The following TENM2 variants were observed in gnomAD, a reference collection of about 807,000 sequenced individuals.
TENM2 encodes the protein teneurin transmembrane protein 2, also known as teneurin-2.
In TENM2, 52 loss-of-function variants were observed where a neutral mutation model predicts 245.2. The ratio of observed to expected loss-of-function variants is 0.21; its 90% confidence interval spans 0.17 to 0.27. The LOEUF (loss-of-function observed/expected upper bound fraction) is 0.27, where lower values mean the gene tolerates loss of function less well. TENM2 is among the 10% of genes least tolerant of loss of function. The pLI is 1.00. For missense variants in TENM2, 3,046 were observed against 3,666.8 expected, an observed-to-expected ratio of 0.83 and a Z score of 4.37; for synonymous variants, 1,363 against 1,438.9, an observed-to-expected ratio of 0.95 and a Z score of 1.19.
chr5:167,420,200 C>T lies in TENM2; in HGVS notation c.502+44727C>T, dbSNP rs148745334. Among the ~76,000 whole-genome samples the T allele has an allele frequency of 1.1e-3, 166 of 152,266 alleles. 1 individual carries two copies. The highest frequency in any genetic ancestry group is 3.5e-3 in the African/African-American group (146 of 41,568). On this transcript the variant is annotated intron_variant, in intron 2 of 28. Coordinates refer to ENST00000518659, the Ensembl canonical transcript of TENM2. Reference sequence around the variant, plus strand: ...GTGAAAAGTGGAGAGCTTATTGTTACCCTGTGTGAAGGAAATTGTAGGCTA... The same window carrying T: ...GTGAAAAGTGGAGAGCTTATTGTTATCCTGTGTGAAGGAAATTGTAGGCTA...
chr5:167,493,729 A>ATACACACGT (rs1248467431), intron 2 of TENM2, among the ~76,000 whole-genome samples: 1 of 152,114 alleles, frequency 6.6e-6, no homozygotes, highest in Non-Finnish European at 1.5e-5. Context: ...GAGATAATAT[A>ATACACACGT]TACACACGTT....
intron 2 of TENM2, among the ~76,000 whole-genome samples, chr5:167,865,459 A>T (rs1365470823): frequency 6.6e-6 from 1 of 151,948 alleles, no homozygotes; most frequent in Non-Finnish European, 1.5e-5. Flanking sequence ...TTTTTTATAG[A>T]GATGGGATTT....
chr5:167,038,518 G>C, the TENM2 span, among the ~76,000 whole-genome samples: 7 of 152,134 alleles, frequency 4.6e-5, no homozygotes, highest in African/African-American at 1.7e-4. Flanking sequence ...TAATATCTTG[G>C]AGTGAACATT....
chr5:167,736,238 C>G (rs547566461), intron 2 of TENM2, among the ~76,000 whole-genome samples: 1 of 152,062 alleles, frequency 6.6e-6, no homozygotes, highest in African/African-American at 2.4e-5. Flanking sequence ...CACTCACTAT[C>G]GCAAGAACAG....
At chr5:167,832,700 A>T (rs1054967924) in intron 2 of TENM2, among the ~76,000 whole-genome samples, 1 of 151,842 alleles carries the variant, frequency 6.6e-6, no homozygotes, top group African/African-American at 2.4e-5. Flanking sequence ...AAGGAGAGAG[A>T]GGGAAAGGAG....
intron 2 of TENM2, among the ~76,000 whole-genome samples, chr5:167,545,853 C>G (rs757151722): frequency 6.6e-6 from 1 of 152,156 alleles, no homozygotes; most frequent in Non-Finnish European, 1.5e-5. Flanking sequence ...TTTGACCATA[C>G]GTACAGACTT....
At chr5:167,227,777 T>C in the TENM2 span, among the ~76,000 whole-genome samples, 1 of 152,222 alleles carries the variant, frequency 6.6e-6, no homozygotes, top group Non-Finnish European at 1.5e-5. Context: ...CTGAGCCTGC[T>C]GTATCTGGAT....
At chr5:167,710,254 C>T (rs1234657149) in intron 2 of TENM2, among the ~76,000 whole-genome samples, 1 of 152,122 alleles carries the variant, frequency 6.6e-6, no homozygotes, top group Admixed American at 6.5e-5. Flanking sequence ...CATGCATACA[C>T]ACACACATAT....
At chr5:167,021,969 T>C in the TENM2 span, among the ~76,000 whole-genome samples, 2 of 152,320 alleles carry the variant, frequency 1.3e-5, no homozygotes, top group East Asian at 1.9e-4. Flanking sequence ...CCATTGTATA[T>C]ATTAATGTAT....
Position 167,774,214 on chromosome 5 carries a change from G to GAGGAAGGAAGGAAGGAAGGAAGGA in TENM2, c.503-101754_503-101731dup, listed in dbSNP as rs200752272. The stretch of plus-strand genomic sequence containing the variant: ...GGAGGGAAGGAGGAAGGGAGGGAGG[G>GAGGAAGGAAGGAAGGAAGGAAGGA]AGGAAGGAAGGAAGGAAGGAAGGAA... On this transcript the variant is annotated intron_variant, in intron 2 of 28. Coordinates refer to ENST00000518659, the Ensembl canonical transcript of TENM2. Among the ~76,000 whole-genome samples the GAGGAAGGAAGGAAGGAAGGAAGGA allele has an allele frequency of 6.8e-4, 76 of 111,420 alleles. 1 individual carries two copies. Among genetic ancestry groups the GAGGAAGGAAGGAAGGAAGGAAGGA allele is most frequent in the African/African-American group, 3.0e-3 (70 of 23,536 alleles). 73.1% of individuals were successfully genotyped at this position (111,420 alleles called of 152,430 possible).
At chr5:167,614,789 T>G (rs553244208) in intron 2 of TENM2, among the ~76,000 whole-genome samples, 40 of 152,242 alleles carry the variant, frequency 2.6e-4, no homozygotes, top group African/African-American at 9.6e-4. Context: ...GCAAGTCACT[T>G]CCAGCTTCAT....
chr5:167,402,457 CATA>C (rs925716962), intron 2 of TENM2, among the ~76,000 whole-genome samples: 9 of 152,022 alleles, frequency 5.9e-5, no homozygotes, highest in African/African-American at 2.2e-4. Flanking sequence ...ATACACAGAA[CATA>C]ATGATGTGAA....
At chr5:168,213,284 A>T (rs1355382117) in intron 20 of TENM2, among the ~76,000 whole-genome samples, 2 of 152,238 alleles carry the variant, frequency 1.3e-5, no homozygotes, top group South Asian at 4.1e-4. Flanking sequence ...ATGTGTCTTA[A>T]TAGCAACCTG....
intron 2 of TENM2, among the ~76,000 whole-genome samples, chr5:167,606,854 A>G (rs943231330): frequency 2.6e-5 from 4 of 152,188 alleles, no homozygotes; most frequent in African/African-American, 9.7e-5. Context: ...CTCATCTCTA[A>G]AGTATTGTAA....
the TENM2 span, among the ~76,000 whole-genome samples, chr5:167,195,197 T>C: frequency 3.3e-5 from 5 of 152,040 alleles, no homozygotes; most frequent in Non-Finnish European, 7.4e-5. Context: ...TTATTAGCTG[T>C]GTACTTCTGC....
intron 6 of TENM2, among the ~76,000 whole-genome samples, chr5:168,056,210 T>TG (rs1484346951): frequency 6.6e-6 from 1 of 152,186 alleles, no homozygotes; most frequent in African/African-American, 2.4e-5. Context: ...CCCAGAAATT[T>TG]GACCTCCAGG....
At chr5:167,644,479 T>C (rs1036752666) in intron 2 of TENM2, among the ~76,000 whole-genome samples, 11 of 152,168 alleles carry the variant, frequency 7.2e-5, no homozygotes, top group African/African-American at 2.7e-4. Flanking sequence ...AGTCAGTAGG[T>C]GGATTTGTAA....
the TENM2 span, among the ~76,000 whole-genome samples, chr5:167,260,026 A>G: frequency 6.6e-6 from 1 of 152,172 alleles, no homozygotes; most frequent in African/African-American, 2.4e-5. Flanking sequence ...CAGTGCCAAG[A>G]CACGCCAAGT....
At chr5:167,159,747 C>T in the TENM2 span, among the ~76,000 whole-genome samples, 2 of 152,282 alleles carry the variant, frequency 1.3e-5, no homozygotes, top group Middle Eastern at 3.4e-3. Flanking sequence ...AGAACCCCCA[C>T]ATTTCAGTTC....
Sources: gnomAD v4.1 joint callset for allele counts (sites outside exome capture counted in the v4.1 genomes callset) on GRCh38, gnomAD v4.1.1 for gene constraint, MANE v1.5 for transcripts, NCBI Gene and HGNC (gene_info 2026-07-23, HGNC 2026-07-21) for gene names.